Variants in TRIM14 observed in about 807,000 individuals in gnomAD.
TRIM14 encodes tripartite motif-containing protein 14.
Under a neutral mutation model 44.5 loss-of-function variants are expected in TRIM14, and 28 were observed. The observed-to-expected ratio is 0.63, with a 90% CI of 0.47 to 0.86. The LOEUF (loss-of-function observed/expected upper bound fraction) is 0.86, where lower values mean the gene tolerates loss of function less well. Ranked by LOEUF, TRIM14 falls within the 40% of genes least tolerant of loss-of-function variation. The pLI is 0.00. For synonymous variants in TRIM14, 299 were observed against 269.2 expected, an observed-to-expected ratio of 1.11 and a Z score of -1.08; for missense variants, 607 against 611.1, an observed-to-expected ratio of 0.99 and a Z score of 0.07.
chr9:98,097,409 TGTCCTCTCTGC>T (rs780126670), intron 3 of TRIM14, among the ~76,000 whole-genome samples: 22 of 152,298 alleles, frequency 1.4e-4, no homozygotes, highest in Non-Finnish European at 2.6e-4. Context: ...AGTTCCTGTC[TGTCCTCTCTGC>T]GTCCTCTCTA....
chr9:98,055,006 A>T, the TRIM14 span, among the ~76,000 whole-genome samples: 1 of 152,030 alleles, frequency 6.6e-6, no homozygotes, highest in Non-Finnish European at 1.5e-5. Flanking sequence ...CAGGGATCAG[A>T]GGTTTTTGGG....
intron 2 of TRIM14, among the ~76,000 whole-genome samples, chr9:98,104,730 G>A (rs979050403): frequency 2.0e-5 from 3 of 152,202 alleles, no homozygotes; most frequent in Non-Finnish European, 4.4e-5. Flanking sequence ...GACTGTGGAA[G>A]AGAAAGAAGC....
At chr9:98,059,247 TCTC>T in the TRIM14 span, among the ~76,000 whole-genome samples, 1 of 152,070 alleles carries the variant, frequency 6.6e-6, no homozygotes. Flanking sequence ...ATGGTCTCGA[TCTC>T]CTGACCTCGT....
chr9:98,055,313 C>T, the TRIM14 span, among the ~76,000 whole-genome samples: 5 of 152,246 alleles, frequency 3.3e-5, no homozygotes, highest in African/African-American at 1.2e-4. Flanking sequence ...GCCACTATGC[C>T]CCACCTTGGA....
In TRIM14 at chr9:98,095,433, TGA is replaced by T. The variant is rs2118358231; in HGVS notation, c.538-406_538-405del. The stretch of plus-strand genomic sequence containing the variant: ...GGGTCTGCCTTGGGTACAAAAAGGG[TGA>T]GAGGTCAGTCTCCCTGGGGAAGGAG... On this transcript the variant is annotated intron_variant, in intron 3 of 5. Coordinates refer to ENST00000341469, the MANE Select transcript of TRIM14 (RefSeq NM_014788.4). The surrounding 1 kb of genome is among the most constrained non-coding windows in gnomAD (Gnocchi z 4.1). Among the ~76,000 whole-genome samples, 1 of 152,088 alleles carries T rather than the reference TGA, an allele frequency of 6.6e-6. No individual in the cohort carries two copies. Among genetic ancestry groups the T allele is most frequent in the South Asian group, 2.1e-4 (1 of 4,822 alleles).
chr9:98,098,430 G>A (rs543467136), intron 3 of TRIM14, among the ~76,000 whole-genome samples: 8 of 152,048 alleles, frequency 5.3e-5, no homozygotes, highest in Admixed American at 1.3e-4. Flanking sequence ...GAACACCATC[G>A]GCCGGGTGCG....
At chr9:98,076,905 T>G (rs370076821) in intron 6 of TRIM14, 2 of 1,603,798 alleles carry the variant, frequency 1.2e-6, no homozygotes, top group Non-Finnish European at 1.7e-6. Flanking sequence ...AGCTCCCTCT[T>G]TGATTTTTGT....
intron 6 of TRIM14, chr9:98,076,789 T>G: frequency 1.5e-6 from 1 of 680,906 alleles, no homozygotes; most frequent in South Asian, 1.8e-5. Flanking sequence ...TTGCCTGCTT[T>G]CAAGTTGCTG....
At chr9:98,081,011 C>T (rs1269279312), downstream of TRIM14, 9 of 1,614,196 alleles carry the variant, frequency 5.6e-6, no homozygotes, top group Non-Finnish European at 7.6e-6. Flanking sequence ...GCGGTCAGTG[C>T]GTCTTGTGGA....
chr9:98,104,348 T>C (rs1826520972), intron 2 of TRIM14, among the ~76,000 whole-genome samples: 1 of 152,232 alleles, frequency 6.6e-6, no homozygotes, highest in Non-Finnish European at 1.5e-5. Context: ...AACCAAGTTA[T>C]GCTCCAAGCA....
the TRIM14 span, among the ~76,000 whole-genome samples, chr9:98,044,093 G>T: frequency 2.8e-3 from 417 of 151,178 alleles, 1 homozygote; most frequent in Middle Eastern, 6.8e-3. Context: ...GCTGCTTGAG[G>T]GCAGCACTCC....
At chr9:98,091,411 T>A (rs1825989158) in intron 5 of TRIM14, among the ~76,000 whole-genome samples, 1 of 152,080 alleles carries the variant, frequency 6.6e-6, no homozygotes, top group Non-Finnish European at 1.5e-5. Context: ...GAGCCATGAC[T>A]GCACCACTGC....
downstream of TRIM14, among the ~76,000 whole-genome samples, chr9:98,083,570 T>G (rs1829985480): frequency 6.6e-6 from 1 of 152,204 alleles, no homozygotes; most frequent in African/African-American, 2.4e-5. Context: ...AAGCACTCCT[T>G]TCAGAGCAAA....
At chr9:98,117,893 A>T (rs979164861) in intron 1 of TRIM14, among the ~76,000 whole-genome samples, 1 of 152,184 alleles carries the variant, frequency 6.6e-6, no homozygotes, top group Non-Finnish European at 1.5e-5. Flanking sequence ...TCTGAATAAC[A>T]GTTTTTCAAG....
chr9:98,097,791 G>A (rs1182019409), intron 3 of TRIM14, among the ~76,000 whole-genome samples: 1 of 152,206 alleles, frequency 6.6e-6, no homozygotes, highest in East Asian at 1.9e-4. Flanking sequence ...TTTCTGATGT[G>A]AGAATAGCAT....
the TRIM14 span, chr9:98,056,682 A>T: frequency 7.1e-7 from 1 of 1,402,832 alleles, no homozygotes. Context: ...CTGCCCGGCG[A>T]CCGCGGGCTG....
downstream of TRIM14, among the ~76,000 whole-genome samples, chr9:98,080,030 G>A (rs1401150714): frequency 6.6e-6 from 1 of 152,128 alleles, no homozygotes; most frequent in African/African-American, 2.4e-5. Context: ...CCTGGCCAAT[G>A]TGGCGAAACC....
Position 98,087,279 on chromosome 9 carries a change from G to T in TRIM14, c.*191C>A, listed in dbSNP as rs761624280. On this transcript the variant is annotated 3_prime_UTR_variant, in exon 6 of 6. Transcript: ENST00000341469. The stretch of plus-strand genomic sequence containing the variant: ...GAGAGGGCAGCAGCAGACTTGTTTA[G>T]GGCCTGTTTGAAACTAGCCTAGGAG... 1.9e-5 allele frequency: 17 copies of T among 904,036 alleles called. No individual in the cohort carries two copies. The highest frequency in any genetic ancestry group is 9.4e-6 in the Non-Finnish European group (5 of 532,022). 56.0% of individuals were successfully genotyped at this position (904,036 alleles called of 1,614,324 possible). A position where few individuals can be genotyped will look rare whatever the true frequency, so the allele number is the denominator to read the frequency against.
At chr9:98,089,663 C>G (rs1019459257) in intron 5 of TRIM14, among the ~76,000 whole-genome samples, 1 of 152,154 alleles carries the variant, frequency 6.6e-6, no homozygotes, top group Non-Finnish European at 1.5e-5. Flanking sequence ...CTCTTCCACC[C>G]GGACAGCATC....
Sources: gnomAD v4.1 joint callset for allele counts (sites outside exome capture counted in the v4.1 genomes callset) on GRCh38, gnomAD v4.1.1 for gene constraint, Gnocchi (gnomAD v3.1) non-coding constraint, MANE v1.5 for transcripts, NCBI Gene and HGNC (gene_info 2026-07-23, HGNC 2026-07-21) for gene names.